SP140: variants seen among roughly 807,000 people sequenced by gnomAD.
The protein encoded by SP140 is SP140 nuclear body protein, also known as nuclear body protein SP140.
Under a neutral mutation model 125.0 loss-of-function variants are expected in SP140, and 81 were observed. That is an observed-to-expected ratio of 0.65 (90% CI 0.54 to 0.78). The LOEUF is 0.78. SP140 is among the 30% of genes least tolerant of loss of function. The pLI, the probability that SP140 is intolerant of heterozygous loss-of-function variation, is 0.00. For synonymous variants in SP140, 312 were observed against 354.0 expected (o/e 0.88, Z 1.33); for missense variants, 858 against 1,037.0 (o/e 0.83, Z 2.37).
At chr2:230,287,768 C>A (rs2059692) in intron 17 of SP140, 124 bp from the exon 18 acceptor site, 7 of 751,836 alleles carry the variant, frequency 9.3e-6, no homozygotes, top group Non-Finnish European at 1.4e-5. Context: ...GGGTTTAAAT[C>A]TTTTTATTTA....
intron 14 of SP140, 23 bp downstream of exon 14, chr2:230,269,976 G>C: frequency 6.5e-7 from 1 of 1,540,830 alleles, no homozygotes; most frequent in Non-Finnish European, 9.0e-7. Flanking sequence ...GAGGGCCGTG[G>C]GATGGGGGTG....
the SP140 span, among the ~76,000 whole-genome samples, chr2:230,197,369 C>T: frequency 0.077 from 11,575 of 150,432 alleles, 498 homozygotes; most frequent in South Asian, 0.23. Context: ...TCATATCCTT[C>T]GCCCACTTTT....
intron 3 of SP140, among the ~76,000 whole-genome samples, chr2:230,215,746 G>A (rs2045083349): frequency 6.6e-6 from 1 of 152,256 alleles, no homozygotes; most frequent in Admixed American, 6.5e-5. Context: ...CCAACATGGA[G>A]TTGCCTATAT....
chr2:230,222,603 G>C (rs1489171437), upstream of SP140, among the ~76,000 whole-genome samples: 1 of 151,756 alleles, frequency 6.6e-6, no homozygotes, highest in Non-Finnish European at 1.5e-5. Context: ...ATACACCTGT[G>C]GTCCCCGCTA....
upstream of SP140, chr2:230,200,559 GTA>G (rs2148848624): frequency 2.7e-6 from 1 of 368,322 alleles, no homozygotes; most frequent in East Asian, 6.4e-5. Flanking sequence ...TTTCAGTATA[GTA>G]CCATGAATAT....
upstream of SP140, among the ~76,000 whole-genome samples, chr2:230,222,509 AG>A (rs1222223105): frequency 1.3e-5 from 2 of 152,138 alleles, no homozygotes; most frequent in Non-Finnish European, 2.9e-5. Flanking sequence ...GCTTGAGCCC[AG>A]GTGTTTGAGA....
intron 12 of SP140, among the ~76,000 whole-genome samples, chr2:230,265,967 T>C (rs2149326697): frequency 6.6e-6 from 1 of 152,210 alleles, no homozygotes; most frequent in East Asian, 1.9e-4. Flanking sequence ...TAATAGAAGA[T>C]TCAGTGTGGG....
chr2:230,278,406 TATCAA>T (rs751505192), intron 15 of SP140, among the ~76,000 whole-genome samples: 7 of 152,112 alleles, frequency 4.6e-5, no homozygotes, highest in Non-Finnish European at 8.8e-5. Flanking sequence ...TAGTAACCCT[TATCAA>T]ATACATGGTT....
rs537528873 is a variant in SP140 at position 230,288,028 on chromosome 2, C to T, written c.1720+62C>T. 69 of 1,372,784 alleles carry T rather than the reference C, an allele frequency of 5.0e-5. No homozygotes were observed. The South Asian group carries it at 7.9e-4, about 16-fold the overall frequency. The allele number at this position is 1,372,784 out of a possible 1,614,324, so 85.0% of individuals were successfully genotyped here. A position where few individuals can be genotyped will look rare whatever the true frequency, so the allele number is the denominator to read the frequency against. On this transcript the variant is annotated intron_variant, in intron 18 of 26. Coordinates refer to ENST00000392045, the MANE Select transcript of SP140 (RefSeq NM_007237.5). Reference sequence around the variant, plus strand: ...AACATCTAATTTCCTGTGCGGTACACTGTACTTTCAGTAATAAACCCATTT... The same window carrying T: ...AACATCTAATTTCCTGTGCGGTACATTGTACTTTCAGTAATAAACCCATTT...
intron 10 of SP140, 70 bp downstream of exon 10, chr2:230,251,131 C>T: frequency 7.7e-7 from 1 of 1,293,728 alleles, no homozygotes. Context: ...GCTTGTGTTT[C>T]CTGATTGTCT....
chr2:230,235,233 C>T lies in SP140; in HGVS notation c.60-1850C>T, dbSNP rs184624261. On this transcript the variant is annotated intron_variant, in intron 1 of 26. Coordinates refer to ENST00000392045, the MANE Select transcript of SP140 (RefSeq NM_007237.5). The stretch of plus-strand genomic sequence containing the variant: ...CATCTCTGCATCTCCTTCTCAACCA[C>T]CACTGCATCTCTGGGAGGCTGCAGG... Among the ~76,000 whole-genome samples, 5 of 152,302 alleles carry T rather than the reference C, an allele frequency of 3.3e-5. No individual in the cohort carries two copies. In the East Asian group the frequency reaches 5.8e-4, roughly 18 times the overall value.
intron 21 of SP140, among the ~76,000 whole-genome samples, chr2:230,296,541 A>G (rs1280022302): frequency 6.6e-6 from 1 of 152,222 alleles, no homozygotes; most frequent in East Asian, 1.9e-4. Flanking sequence ...TGTGATTTGG[A>G]TAGAAGGGAG....
At chr2:230,225,683 G>C, upstream of SP140, 1 of 690,036 alleles carries the variant, frequency 1.4e-6, no homozygotes, top group Non-Finnish European at 2.7e-6. Flanking sequence ...TGGGTGGAGG[G>C]AGGACTGTAG....
upstream of SP140, chr2:230,202,489 C>G: frequency 1.6e-6 from 2 of 1,256,672 alleles, no homozygotes; most frequent in South Asian, 2.4e-5. Flanking sequence ...TTACTATTGA[C>G]TTTACATATC....
At chr2:230,267,926 C>T (rs1198280347) in intron 12 of SP140, among the ~76,000 whole-genome samples, 1 of 152,178 alleles carries the variant, frequency 6.6e-6, no homozygotes, top group African/African-American at 2.4e-5. Context: ...GACCGAACAT[C>T]TTTGCACAGT....
chr2:230,216,104 C>G (rs1368292926), intron 3 of SP140, among the ~76,000 whole-genome samples: 1 of 152,190 alleles, frequency 6.6e-6, no homozygotes. Flanking sequence ...CTGCCTGTCT[C>G]ACATCAGAAT....
At chr2:230,244,838 G>A in intron 5 of SP140, 150 bp from the exon 6 acceptor site, 2 of 542,996 alleles carry the variant, frequency 3.7e-6, no homozygotes, top group South Asian at 2.4e-5. Flanking sequence ...AGGAAAACAG[G>A]CAGAGCAAGG....
intron 18 of SP140, chr2:230,288,172 AG>A: frequency 2.1e-6 from 1 of 475,738 alleles, no homozygotes; most frequent in Non-Finnish European, 3.8e-6. Context: ...ACCAGATCCC[AG>A]GGGCCCAGGG....
intron 15 of SP140, among the ~76,000 whole-genome samples, chr2:230,276,462 C>A (rs185211358): frequency 3.9e-4 from 60 of 152,252 alleles, no homozygotes; most frequent in South Asian, 8.3e-4. Flanking sequence ...TTGAGACATA[C>A]TCCTCAGAAA....
Sources: gnomAD v4.1 joint callset for allele counts (sites outside exome capture counted in the v4.1 genomes callset) on GRCh38, gnomAD v4.1.1 for gene constraint, MANE v1.5 for transcripts, NCBI Gene and HGNC (gene_info 2026-07-23, HGNC 2026-07-21) for gene names.